EVL: variants seen among roughly 807,000 people sequenced by gnomAD.
The protein encoded by EVL is Enah/Vasp-like.
A neutral mutation model predicts 59.6 loss-of-function variants in EVL; 21 were observed. The ratio of observed to expected loss-of-function variants is 0.35; its 90% CI spans 0.25 to 0.51. The LOEUF (loss-of-function observed/expected upper bound fraction) is 0.51. Ranked by LOEUF, EVL falls within the 20% of genes least tolerant of loss-of-function variation. The pLI is 0.97. For synonymous variants in EVL, 198 were observed against 203.5 expected (o/e 0.97, Z 0.23); for missense variants, 462 against 546.6 (o/e 0.85, Z 1.54).
intron 1 of EVL, among the ~76,000 whole-genome samples, chr14:100,069,426 G>A (rs1251380984): frequency 4.6e-5 from 7 of 152,172 alleles, no homozygotes; most frequent in Non-Finnish European, 7.3e-5. Flanking sequence ...CTAATTGTAC[G>A]CCTTTGTGTG....
chr14:99,981,501 G>A (rs2060806439), intron 1 of EVL, among the ~76,000 whole-genome samples: 2 of 152,106 alleles, frequency 1.3e-5, no homozygotes, highest in Non-Finnish European at 2.9e-5. Context: ...AAATCATATT[G>A]TTTCACATAC....
intron 1 of EVL, among the ~76,000 whole-genome samples, chr14:99,987,593 G>GA (rs2060847551): frequency 6.6e-6 from 1 of 152,214 alleles, no homozygotes; most frequent in South Asian, 2.1e-4. Flanking sequence ...AGTGAGCCGA[G>GA]ATTGCACCAC....
At chr14:100,143,121 T>C (rs1420557554) in intron 13 of EVL, among the ~76,000 whole-genome samples, 1 of 151,802 alleles carries the variant, frequency 6.6e-6, no homozygotes, top group East Asian at 1.9e-4. Context: ...AGGCCCAAAT[T>C]TGGGAGGCCG....
chr14:100,054,191 AT>A (rs2061691846), intron 1 of EVL, among the ~76,000 whole-genome samples: 1 of 150,874 alleles, frequency 6.6e-6, no homozygotes. Context: ...AGTAGCTGGG[AT>A]TATAGGCACG....
intron 1 of EVL, among the ~76,000 whole-genome samples, chr14:100,013,586 G>C (rs190510895): frequency 6.6e-6 from 1 of 152,210 alleles, no homozygotes; most frequent in Non-Finnish European, 1.5e-5. Flanking sequence ...ATCCGGGACC[G>C]AGGGTCCCCT....
At chr14:100,006,323 C>T (rs553518705) in intron 1 of EVL, among the ~76,000 whole-genome samples, 11 of 141,464 alleles carry the variant, frequency 7.8e-5, no homozygotes, top group African/African-American at 2.4e-4. Flanking sequence ...TTCGTTCTGT[C>T]GCCCAGGCTG....
At chr14:100,102,387 C>G in intron 3 of EVL, 1 of 456,068 alleles carries the variant, frequency 2.2e-6, no homozygotes, top group Non-Finnish European at 4.4e-6. Flanking sequence ...GTGGTATGTT[C>G]CAGGCTCATG....
intron 3 of EVL, among the ~76,000 whole-genome samples, chr14:100,104,199 T>TA (rs1886413980): frequency 6.6e-6 from 1 of 152,224 alleles, no homozygotes; most frequent in Admixed American, 6.5e-5. Context: ...GTACATAGTC[T>TA]ACCTCTGCAT....
intron 1 of EVL, among the ~76,000 whole-genome samples, chr14:99,993,685 C>CTTTTTTT (rs532512303): frequency 5.0e-3 from 393 of 78,172 alleles, no homozygotes; most frequent in East Asian, 7.7e-3. Flanking sequence ...TTCTTTCTTT[C>CTTTTTTT]TTTTTTTTTT....
upstream of EVL, among the ~76,000 whole-genome samples, chr14:100,064,490 A>C (rs374259387): frequency 2.6e-5 from 4 of 152,222 alleles, no homozygotes; most frequent in Non-Finnish European, 5.9e-5. Context: ...ACAAGTGACA[A>C]AGCCAAGTTT....
Position 100,041,976 on chromosome 14 carries a change from A to G in EVL, c.6-42711A>G, listed in dbSNP as rs1340090902. Among the ~76,000 whole-genome samples the G allele has an allele frequency of 2.6e-5, 4 of 152,340 alleles. No individual in the cohort carries two copies. In the East Asian group the frequency reaches 7.7e-4, roughly 29 times the overall value. On this transcript the variant is annotated intron_variant, in intron 1 of 13. Coordinates refer to the EVL transcript ENST00000402714. The stretch of plus-strand genomic sequence containing the variant: ...CCACACTGCCCAGTAAAAACAACTC[A>G]AGCCACAAATGGGAGCTGCATGTGG...
At chr14:99,980,625 A>G (rs893919889) in intron 1 of EVL, among the ~76,000 whole-genome samples, 1 of 151,378 alleles carries the variant, frequency 6.6e-6, no homozygotes, top group Admixed American at 6.5e-5. Context: ...TATACTAGCT[A>G]TCACAGTTGG....
At chr14:100,126,860 C>A in intron 5 of EVL, 89 bp downstream of exon 5, 3 of 1,316,728 alleles carry the variant, frequency 2.3e-6, no homozygotes, top group Non-Finnish European at 1.1e-6. Context: ...ACACACGGGG[C>A]GCTCTGTGAG....
chr14:100,128,157 G>C (rs192853981), intron 5 of EVL, among the ~76,000 whole-genome samples: 432 of 152,324 alleles, frequency 2.8e-3, no homozygotes, highest in African/African-American at 9.6e-3. Flanking sequence ...GGTGCTAGGT[G>C]CTTAGAAGGA....
At chr14:100,101,498 C>T (rs2140327298) in intron 3 of EVL, among the ~76,000 whole-genome samples, 1 of 151,762 alleles carries the variant, frequency 6.6e-6, no homozygotes, top group African/African-American at 2.4e-5. Flanking sequence ...AGAAAATTAG[C>T]TGGGTGTGGT....
At chr14:100,028,381 G>A (rs2061255117) in intron 1 of EVL, among the ~76,000 whole-genome samples, 1 of 152,020 alleles carries the variant, frequency 6.6e-6, no homozygotes, top group African/African-American at 2.4e-5. Flanking sequence ...TATGTCTTTT[G>A]AGAAATGTCT....
chr14:100,040,682 G>T (rs2061455507), intron 1 of EVL, among the ~76,000 whole-genome samples: 1 of 152,212 alleles, frequency 6.6e-6, no homozygotes, highest in African/African-American at 2.4e-5. Context: ...TTTTGCCTCA[G>T]TATGTCTCCG....
intron 1 of EVL, chr14:99,977,294 G>A (rs2060776568): frequency 6.6e-6 from 1 of 152,068 alleles, no homozygotes; most frequent in Admixed American, 6.5e-5. Flanking sequence ...TGGGGGGCAG[G>A]TACTTTTATC....
intron 3 of EVL, among the ~76,000 whole-genome samples, chr14:100,121,605 C>T (rs1265149096): frequency 6.6e-6 from 1 of 152,196 alleles, no homozygotes; most frequent in Non-Finnish European, 1.5e-5. Flanking sequence ...GTCTTAGGTG[C>T]AGGGGCCAGA....
Sources: gnomAD v4.1 joint callset for allele counts (sites outside exome capture counted in the v4.1 genomes callset) on GRCh38, gnomAD v4.1.1 for gene constraint, MANE v1.5 for transcripts, NCBI Gene and HGNC (gene_info 2026-07-23, HGNC 2026-07-21) for gene names.